The following MYO1B variants were observed in gnomAD, a reference collection of about 807,000 sequenced individuals.
The protein encoded by MYO1B is myosin IB.
Under a neutral mutation model 159.7 loss-of-function variants are expected in MYO1B, and 72 were observed. The ratio of observed to expected loss-of-function variants is 0.45; its 90% confidence interval spans 0.37 to 0.55. MYO1B has a LOEUF of 0.55. Ranked by LOEUF, MYO1B falls within the 20% of genes least tolerant of loss-of-function variation. The probability of loss-of-function intolerance (pLI) is 0.00; values close to 1 mark genes in which losing one functional copy is unlikely to be tolerated. For missense variants in MYO1B, 1,062 were observed against 1,364.8 expected, an observed-to-expected ratio of 0.78 and a Z score of 3.50; for synonymous variants, 468 against 473.8, an observed-to-expected ratio of 0.99 and a Z score of 0.16.
At chr2:191,409,544 C>T (rs1697138021) in intron 26 of MYO1B, among the ~76,000 whole-genome samples, 1 of 152,200 alleles carries the variant, frequency 6.6e-6, no homozygotes, top group Non-Finnish European at 1.5e-5. Flanking sequence ...CTTCAGGCAA[C>T]ATAGTTAAAT....
At chr2:191,251,161 C>T (rs1686088035) in intron 1 of MYO1B, among the ~76,000 whole-genome samples, 1 of 152,194 alleles carries the variant, frequency 6.6e-6, no homozygotes. Context: ...TAGCCAGTCC[C>T]TTTTCTTACC....
chr2:191,324,463 A>C lies in MYO1B; in HGVS notation c.252-5472A>C, dbSNP rs568641415. ...TATACCTTAACTTTTTAGAATCCAT[A>C]TAGAGTTAACATTGTCCCACTTTAT... On this transcript the variant is annotated intron_variant, in intron 3 of 30. Coordinates refer to ENST00000392318, the MANE Select transcript of MYO1B (RefSeq NM_001130158.3). Among the ~76,000 whole-genome samples the C allele has an allele frequency of 1.5e-3, 223 of 152,290 alleles. 1 individual carries two copies. The highest frequency in any genetic ancestry group is 2.6e-3 in the Non-Finnish European group (174 of 68,014).
intron 13 of MYO1B, among the ~76,000 whole-genome samples, chr2:191,372,552 T>A (rs1267817069): frequency 6.6e-6 from 1 of 152,210 alleles, no homozygotes; most frequent in African/African-American, 2.4e-5. Flanking sequence ...GCCCTAAGAT[T>A]GAGAGTCTGT....
At chr2:191,412,734 T>C (rs1407397063) in intron 27 of MYO1B, among the ~76,000 whole-genome samples, 4 of 152,240 alleles carry the variant, frequency 2.6e-5, no homozygotes, top group Non-Finnish European at 5.9e-5. Context: ...AGTTTTTCCT[T>C]GGTGCCTTTG....
chr2:191,336,058 G>A (rs1431656419), intron 4 of MYO1B, among the ~76,000 whole-genome samples: 1 of 152,144 alleles, frequency 6.6e-6, no homozygotes, highest in Non-Finnish European at 1.5e-5. Flanking sequence ...AGCACTGATG[G>A]GGGCAGGGGG....
chr2:191,307,263 TCCCAACATTGCC>T (rs2125848547), intron 3 of MYO1B, among the ~76,000 whole-genome samples: 1 of 152,164 alleles, frequency 6.6e-6, no homozygotes, highest in Non-Finnish European at 1.5e-5. Context: ...TAGAGTAACT[TCCCAACATTGCC>T]ATGGCATTTG....
Position 191,390,304 on chromosome 2 carries a change from G to C in MYO1B, c.1794G>C (p.Pro598=), listed in dbSNP as rs73984118. 5.0e-6 allele frequency: 8 copies of C among 1,613,124 alleles called. No individual in the cohort carries two copies. The Admixed American group carries it at 1.2e-4, about 24-fold the overall frequency. Residue 598 remains proline (P), a synonymous_variant, in exon 18 of 31, where the codon CCG becomes CCC. Transcript: ENST00000392318. ...KNPNYIRCIK[P]NDKKAAHIFN... ...TGTGATCTTTAAGGTGTATCAAACC[G>C]AATGATAAAAAAGCAGCACACATCT...
At chr2:191,390,103 C>T (rs1695652912) in intron 17 of MYO1B, among the ~76,000 whole-genome samples, 189 bp from the exon 18 acceptor site, 1 of 151,572 alleles carries the variant, frequency 6.6e-6, no homozygotes, top group African/African-American at 2.4e-5. Context: ...ATTACTGTGC[C>T]TGCAGTATTG....
chr2:191,318,549 G>A (rs961996472), intron 3 of MYO1B, among the ~76,000 whole-genome samples: 3 of 152,158 alleles, frequency 2.0e-5, no homozygotes, highest in African/African-American at 7.2e-5. Flanking sequence ...AAGGTCTCTC[G>A]CTTCTACCCA....
intron 2 of MYO1B, among the ~76,000 whole-genome samples, chr2:191,279,981 AC>A (rs1687961168): frequency 6.6e-6 from 1 of 152,106 alleles, no homozygotes; most frequent in Admixed American, 6.5e-5. Flanking sequence ...TCCTATGTGA[AC>A]CAGCTCTAAA....
chr2:191,409,201 T>G, intron 26 of MYO1B, 23 bp downstream of exon 26: 2 of 1,592,702 alleles, frequency 1.3e-6, no homozygotes, highest in Middle Eastern at 3.4e-4. Context: ...ATATTACATC[T>G]TTTCGGAGAC....
chr2:191,370,228 C>G lies in MYO1B; in HGVS notation c.1121C>G (p.Ala374Gly). 6.2e-7 allele frequency: 1 copy of G among 1,612,072 alleles called. No individual in the cohort carries two copies. The highest frequency in any genetic ancestry group is 8.5e-7 in the Non-Finnish European group (1 of 1,178,926). The change falls in exon 13 of 31, where the codon GCA (alanine) becomes GGA (glycine). Residue 374 changes from alanine (A) to glycine (G), a missense_variant and splice_region_variant. This residue lies in a region of MYO1B where 415 missense variants were observed against 544.0 expected (regional missense o/e 0.76). Coordinates refer to ENST00000392318, the MANE Select transcript of MYO1B (RefSeq NM_001130158.3). ...CCTTTAATTTGAAACTTTTTAAAGGCACAAACAAAAGTGAGAAAGAAGGTC... is the reference window on the plus strand; with the variant it reads ...CCTTTAATTTGAAACTTTTTAAAGGGACAAACAAAAGTGAGAAAGAAGGTC... ...LVNRINESIKAQTKVRKKVMG... is the reference protein window; with the variant it reads ...LVNRINESIKGQTKVRKKVMG...
At chr2:191,366,619 T>C (rs1293313309) in intron 11 of MYO1B, among the ~76,000 whole-genome samples, 1 of 152,110 alleles carries the variant, frequency 6.6e-6, no homozygotes, top group African/African-American at 2.4e-5. Flanking sequence ...ACAAGAGTTT[T>C]TCAGCTTCTC....
At position 191,251,770 on chromosome 2, in the gene MYO1B, A is replaced by G. The variant is rs187395784; in HGVS notation, c.-10+6144A>G. On this transcript the variant is annotated intron_variant, in intron 1 of 30. Transcript: ENST00000392318. ...TTATTAGTTATCGACATTATAATAC[A>G]TTTACACGTCATTTGCCTACTTAAT... 5.8e-4 allele frequency among the ~76,000 whole-genome samples: 88 copies of G among 152,348 alleles called. 1 individual carries two copies. In the East Asian group the frequency reaches 9.8e-3, roughly 17 times the overall value.
At chr2:191,386,205 T>C in intron 16 of MYO1B, 121 bp downstream of exon 16, 1 of 823,872 alleles carries the variant, frequency 1.2e-6, no homozygotes, top group Non-Finnish European at 1.9e-6. Context: ...GCTGCTAAAG[T>C]GGTTGAATCG....
At chr2:191,299,995 T>A (rs906583571) in intron 3 of MYO1B, among the ~76,000 whole-genome samples, 4 of 152,206 alleles carry the variant, frequency 2.6e-5, no homozygotes, top group Non-Finnish European at 5.9e-5. Context: ...TTTCCAACAT[T>A]CTCACATGCT....
At chr2:191,281,501 G>T (rs1359859493) in intron 2 of MYO1B, among the ~76,000 whole-genome samples, 1 of 152,148 alleles carries the variant, frequency 6.6e-6, no homozygotes, top group South Asian at 2.1e-4. Flanking sequence ...TGACGTTCCC[G>T]AGCACTGCTT....
chr2:191,365,287 T>A (rs1223257181), intron 11 of MYO1B, among the ~76,000 whole-genome samples: 5 of 152,224 alleles, frequency 3.3e-5, no homozygotes, highest in African/African-American at 1.2e-4. Context: ...TGTTGTCTCA[T>A]CCTCATAACT....
chr2:191,251,458 G>C (rs1457135938), intron 1 of MYO1B, among the ~76,000 whole-genome samples: 6 of 152,146 alleles, frequency 3.9e-5, no homozygotes, highest in Admixed American at 3.9e-4. Context: ...TATCAGATAA[G>C]CACCTGATAA....
Sources: allele counts gnomAD v4.1 joint callset (sites outside exome capture counted in the v4.1 genomes callset), GRCh38; gene constraint gnomAD v4.1.1; regional missense constraint gnomAD v4.1.1; transcripts MANE v1.5; gene names NCBI Gene and HGNC (gene_info 2026-07-23, HGNC 2026-07-21).